XKR6: variants seen among roughly 807,000 people sequenced by gnomAD.
XKR6 encodes the protein XK-related protein 6.
In XKR6, 22 loss-of-function variants were observed where a neutral mutation model predicts 56.7. The observed-to-expected ratio is 0.39, with a 90% CI of 0.28 to 0.55. The LOEUF (loss-of-function observed/expected upper bound fraction) is 0.55. XKR6 is among the 20% of genes least tolerant of loss of function. XKR6 has a pLI of 0.66. For synonymous variants in XKR6, 524 were observed against 387.8 expected, an observed-to-expected ratio of 1.35 and a Z score of -4.13; for missense variants, 852 against 889.0, an observed-to-expected ratio of 0.96 and a Z score of 0.53.
intron 1 of XKR6, among the ~76,000 whole-genome samples, chr8:11,171,080 G>A (rs1204913955): frequency 6.6e-6 from 1 of 152,186 alleles, no homozygotes; most frequent in Non-Finnish European, 1.5e-5. Context: ...TATATACTTT[G>A]TTCTTGAAAT....
At chr8:11,105,254 G>C (rs1269864327) in intron 1 of XKR6, 1 of 152,162 alleles carries the variant, frequency 6.6e-6, no homozygotes, top group Non-Finnish European at 1.5e-5. Context: ...AGAGAACTCA[G>C]GGTTACAAAC....
intron 1 of XKR6, chr8:11,137,413 G>C (rs1800459939): frequency 5.5e-6 from 2 of 361,838 alleles, no homozygotes; most frequent in Non-Finnish European, 1.1e-5. Context: ...AGCTAGAATA[G>C]TGAGAAGAAA....
At chr8:10,958,804 C>T (rs925719500) in intron 1 of XKR6, among the ~76,000 whole-genome samples, 3 of 152,204 alleles carry the variant, frequency 2.0e-5, no homozygotes, top group Admixed American at 2.0e-4. Flanking sequence ...TACAACTTAG[C>T]TTCCAGAACT....
chr8:11,032,560 C>G (rs1799017544), intron 1 of XKR6, among the ~76,000 whole-genome samples: 1 of 152,154 alleles, frequency 6.6e-6, no homozygotes, highest in Admixed American at 6.5e-5. Context: ...CAAATTCAAA[C>G]CTGGTGTCTG....
chr8:11,064,713 G>A (rs189055839), intron 1 of XKR6, among the ~76,000 whole-genome samples: 4 of 152,148 alleles, frequency 2.6e-5, no homozygotes, highest in African/African-American at 4.8e-5. Context: ...AATTGTAATC[G>A]TTCACAACAG....
intron 1 of XKR6, among the ~76,000 whole-genome samples, chr8:11,183,133 C>T (rs1803084370): frequency 6.6e-6 from 1 of 152,124 alleles, no homozygotes; most frequent in Non-Finnish European, 1.5e-5. Flanking sequence ...GCTTAGGTTG[C>T]TTCCACTTTT....
intron 1 of XKR6, among the ~76,000 whole-genome samples, chr8:11,055,511 G>A (rs907164230): frequency 6.6e-6 from 1 of 152,176 alleles, no homozygotes; most frequent in African/African-American, 2.4e-5. Context: ...AGAGCCACAG[G>A]CCTCCCTCAG....
At chr8:11,023,074 C>A (rs1349320708) in intron 1 of XKR6, among the ~76,000 whole-genome samples, 1 of 152,212 alleles carries the variant, frequency 6.6e-6, no homozygotes, top group Admixed American at 6.5e-5. Flanking sequence ...AAGGCTCAGT[C>A]GCAGACTCTG....
chr8:10,984,732 C>CTCTCTCTCTCTCTCTATA, intron 1 of XKR6, among the ~76,000 whole-genome samples: 7 of 47,488 alleles, frequency 1.5e-4, no homozygotes, highest in African/African-American at 3.6e-4. Context: ...CTCTCTCTCT[C>CTCTCTCTCTCTCTCTATA]TATATATATA....
intron 1 of XKR6, among the ~76,000 whole-genome samples, chr8:11,065,912 T>C (rs922644348): frequency 2.6e-5 from 4 of 152,238 alleles, no homozygotes; most frequent in Non-Finnish European, 4.4e-5. Flanking sequence ...AAGCAATGGA[T>C]GTGTGCCCAC....
chr8:11,159,835 A>T (rs1307350826), intron 1 of XKR6, among the ~76,000 whole-genome samples: 1 of 152,236 alleles, frequency 6.6e-6, no homozygotes, highest in Non-Finnish European at 1.5e-5. Flanking sequence ...AACACAAAGA[A>T]GGTACCTTAT....
rs1309907422 is a variant in XKR6, at chr8:11,200,614, C to T, written c.726G>A (p.Gln242=). 6.5e-7 allele frequency: 1 copy of T among 1,546,698 alleles called. No individual in the cohort carries two copies. ...RLCRLSVWIW[Q]SVIHLLQMGQ... ...CCATCTGCAGCAGGTGGATGACCGA[C>T]TGCCAGATCCACACGGAGAGGCGAC... The change falls in exon 1 of 3, where the codon CAG becomes CAA. Residue 242 remains glutamine (Q), a synonymous_variant. Transcript: ENST00000416569. This position sits in a 1 kb window ranked among gnomAD's most constrained non-coding sequence, Gnocchi z 6.4.
chr8:11,045,415 TATCA>T (rs1563101170), intron 1 of XKR6, among the ~76,000 whole-genome samples: 3 of 152,202 alleles, frequency 2.0e-5, no homozygotes. Flanking sequence ...ATATTAAATA[TATCA>T]ATCTGATTTT....
Position 11,077,675 on chromosome 8 carries a change from C to A in XKR6, c.764+122901G>T, listed in dbSNP as rs897417384. 9.2e-5 allele frequency among the ~76,000 whole-genome samples: 14 copies of A among 152,162 alleles called. 1 individual carries two copies. The East Asian group carries it at 2.5e-3, about 27-fold the overall frequency. Reference sequence around the variant, plus strand: ...AGGAAGGAGCCTGTGGCTGTTTCCCCGCCCAGCTCCCTCTTATTAAGTGGG... The same window carrying A: ...AGGAAGGAGCCTGTGGCTGTTTCCCAGCCCAGCTCCCTCTTATTAAGTGGG... On this transcript the variant is annotated intron_variant, in intron 1 of 2. Transcript: ENST00000416569.
intron 1 of XKR6, among the ~76,000 whole-genome samples, chr8:10,961,276 C>T (rs746218155): frequency 2.0e-5 from 3 of 152,190 alleles, no homozygotes; most frequent in East Asian, 1.9e-4. Context: ...GCCCACCAGC[C>T]GGGACGCTGG....
intron 1 of XKR6, among the ~76,000 whole-genome samples, chr8:10,930,415 TA>T (rs996058162): frequency 6.6e-6 from 1 of 152,006 alleles, no homozygotes; most frequent in African/African-American, 2.4e-5. Context: ...TTCCAGAAAA[TA>T]AAAAAGGAAG....
intron 1 of XKR6, among the ~76,000 whole-genome samples, chr8:10,988,944 G>A (rs1254389512): frequency 6.6e-6 from 1 of 152,334 alleles, no homozygotes; most frequent in East Asian, 1.9e-4. Flanking sequence ...CACAGCAAAA[G>A]GCAGAGGACA....
rs532140463 is a variant in XKR6, at chr8:11,126,271, T to C, written c.764+74305A>G. Among the ~76,000 whole-genome samples, 8 of 152,212 alleles carry C rather than the reference T, an allele frequency of 5.3e-5. No individual in the cohort carries two copies. The East Asian group carries it at 1.5e-3, about 29-fold the overall frequency. The stretch of plus-strand genomic sequence containing the variant: ...TTTAGTAAAGACGGGGTTCACTATA[T>C]TGGTCAGGCTGGTCTTGAACTCCTG... On this transcript the variant is annotated intron_variant, in intron 1 of 2. Transcript: ENST00000416569.
At chr8:11,008,041 G>A (rs1798411832) in intron 1 of XKR6, among the ~76,000 whole-genome samples, 1 of 152,102 alleles carries the variant, frequency 6.6e-6, no homozygotes, top group Non-Finnish European at 1.5e-5. Context: ...TTTTTTGACT[G>A]TAGCATTCAG....
Sources: gnomAD v4.1 joint callset for allele counts (sites outside exome capture counted in the v4.1 genomes callset) on GRCh38, gnomAD v4.1.1 for gene constraint, Gnocchi (gnomAD v3.1) non-coding constraint, MANE v1.5 for transcripts, NCBI Gene and HGNC (gene_info 2026-07-23, HGNC 2026-07-21) for gene names.